The following DPP10 variants were observed in gnomAD, a reference collection of about 807,000 sequenced individuals.
DPP10 encodes dipeptidyl peptidase like 10, also known as inactive dipeptidyl peptidase 10.
In DPP10, 33 loss-of-function variants were observed where a neutral mutation model predicts 120.9. That is an observed-to-expected ratio of 0.27 (90% CI 0.21 to 0.37). DPP10 has a LOEUF of 0.37. Among genes scored for constraint, DPP10 ranks in the 10% least tolerant of loss-of-function variants. The pLI is 1.00. For missense variants in DPP10, 816 were observed against 942.8 expected, an observed-to-expected ratio of 0.87 and a Z score of 1.76; for synonymous variants, 337 against 326.1, an observed-to-expected ratio of 1.03 and a Z score of -0.36.
chr2:114,776,683 C>A (rs1558730657), intron 1 of DPP10, among the ~76,000 whole-genome samples: 3 of 151,808 alleles, frequency 2.0e-5, no homozygotes, highest in African/African-American at 4.8e-5. Flanking sequence ...AAAAAAAGAT[C>A]AAAAAATTTG....
chr2:115,502,773 G>A (rs1388762028), intron 4 of DPP10, among the ~76,000 whole-genome samples: 2 of 152,094 alleles, frequency 1.3e-5, no homozygotes, highest in Non-Finnish European at 2.9e-5. Flanking sequence ...GCTCACTGCA[G>A]TCTTTAAACT....
chr2:115,465,160 A>G (rs1158023163), intron 3 of DPP10, among the ~76,000 whole-genome samples: 1 of 152,166 alleles, frequency 6.6e-6, no homozygotes, highest in South Asian at 2.1e-4. Context: ...TATTACTTAT[A>G]TAGGTATTGC....
intron 1 of DPP10, among the ~76,000 whole-genome samples, chr2:114,597,643 C>T (rs1692026782): frequency 6.6e-6 from 1 of 151,972 alleles, no homozygotes; most frequent in South Asian, 2.1e-4. Context: ...TTTGGCTCTC[C>T]TCCATGAATC....
intron 5 of DPP10, among the ~76,000 whole-genome samples, chr2:115,544,068 C>T (rs1460743185): frequency 6.7e-6 from 1 of 149,258 alleles, no homozygotes; most frequent in African/African-American, 2.5e-5. Context: ...CCTGAAGAAA[C>T]ACTGACTCTC....
intron 3 of DPP10, among the ~76,000 whole-genome samples, chr2:115,390,541 C>T (rs1314924737): frequency 6.6e-6 from 1 of 152,030 alleles, no homozygotes; most frequent in African/African-American, 2.4e-5. Flanking sequence ...AACAGGGATA[C>T]TGGCCATTTC....
intron 5 of DPP10, among the ~76,000 whole-genome samples, chr2:115,661,101 C>A (rs1302270406): frequency 6.6e-6 from 1 of 151,990 alleles, no homozygotes; most frequent in Non-Finnish European, 1.5e-5. Context: ...AGGTGCCCAC[C>A]ACCCCACCCA....
chr2:115,550,026 C>A (rs1047028070), intron 5 of DPP10, among the ~76,000 whole-genome samples: 1 of 152,102 alleles, frequency 6.6e-6, no homozygotes, highest in Admixed American at 6.6e-5. Context: ...TCCATCTATG[C>A]AGCTCAGGTA....
intron 5 of DPP10, among the ~76,000 whole-genome samples, chr2:115,681,829 CTCTT>C (rs1164217521): frequency 1.5e-5 from 2 of 136,048 alleles, no homozygotes; most frequent in South Asian, 2.3e-4. Flanking sequence ...TTCTTTCTTC[CTCTT>C]TCTTTCTTTT....
At chr2:115,340,135 T>C (rs1043764899) in intron 2 of DPP10, among the ~76,000 whole-genome samples, 4 of 152,190 alleles carry the variant, frequency 2.6e-5, no homozygotes, top group Non-Finnish European at 5.9e-5. Context: ...ATAGTATAAT[T>C]AGTTGCTTAA....
chr2:115,402,830 G>T (rs2068170368), intron 3 of DPP10, among the ~76,000 whole-genome samples: 1 of 114,466 alleles, frequency 8.7e-6, no homozygotes, highest in Non-Finnish European at 1.7e-5. Flanking sequence ...AGGCAGACAA[G>T]GACACTACAA....
intron 1 of DPP10, among the ~76,000 whole-genome samples, chr2:115,000,342 G>A (rs1201618557): frequency 6.6e-6 from 1 of 152,084 alleles, no homozygotes; most frequent in African/African-American, 2.4e-5. Flanking sequence ...GGGGGACATA[G>A]TTTCTAGAAA....
intron 1 of DPP10, among the ~76,000 whole-genome samples, chr2:114,448,171 A>G (rs915968727): frequency 3.3e-5 from 5 of 152,202 alleles, no homozygotes; most frequent in African/African-American, 4.8e-5. Context: ...TATAGCTTAG[A>G]TCTTCATAAA....
chr2:114,477,699 ATG>A (rs770799341), intron 1 of DPP10, among the ~76,000 whole-genome samples: 2 of 149,796 alleles, frequency 1.3e-5, no homozygotes, highest in African/African-American at 2.5e-5. Context: ...GCAGTAGAGT[ATG>A]TGTGTGTGTA....
chr2:114,854,376 T>A (rs1378410602), intron 1 of DPP10, among the ~76,000 whole-genome samples: 1 of 152,212 alleles, frequency 6.6e-6, no homozygotes. Flanking sequence ...AACTCTAGTC[T>A]CGTCATTAAG....
chr2:114,675,627 A>G (rs1698618888), intron 1 of DPP10, among the ~76,000 whole-genome samples: 1 of 152,156 alleles, frequency 6.6e-6, no homozygotes, highest in Admixed American at 6.6e-5. Flanking sequence ...AATGGTTCCC[A>G]GTATTGGCTT....
chr2:115,836,588 AGAAAGAG>A, intron 23 of DPP10, 23 bp downstream of exon 23: 5 of 1,612,072 alleles, frequency 3.1e-6, no homozygotes, highest in Non-Finnish European at 4.2e-6. Context: ...AAAATAACAA[AGAAAGAG>A]GAGTATTTTT....
intron 1 of DPP10, among the ~76,000 whole-genome samples, chr2:114,771,514 G>A (rs1393233834): frequency 6.6e-6 from 1 of 152,232 alleles, no homozygotes; most frequent in Non-Finnish European, 1.5e-5. Flanking sequence ...AAGTTAGCAT[G>A]TGGTTGCGTC....
chr2:115,117,548 C>CA (rs2049584666), intron 1 of DPP10, among the ~76,000 whole-genome samples: 2 of 152,196 alleles, frequency 1.3e-5, no homozygotes, highest in African/African-American at 4.8e-5. Context: ...TTCAAGGCTG[C>CA]AATGAGCTCA....
intron 5 of DPP10, among the ~76,000 whole-genome samples, chr2:115,588,199 T>C (rs2082410112): frequency 6.6e-6 from 1 of 152,222 alleles, no homozygotes; most frequent in African/African-American, 2.4e-5. Flanking sequence ...TGTTGTGGTA[T>C]CTGTGTGTAA....
Sources: allele counts gnomAD v4.1 joint callset (sites outside exome capture counted in the v4.1 genomes callset), GRCh38; gene constraint gnomAD v4.1.1; transcripts MANE v1.5; gene names NCBI Gene and HGNC (gene_info 2026-07-23, HGNC 2026-07-21).